DEPDC1B: variants seen among roughly 807,000 people sequenced by gnomAD.
The protein encoded by DEPDC1B is DEP domain-containing protein 1B.
Under a neutral mutation model 66.5 loss-of-function variants are expected in DEPDC1B, and 51 were observed. The observed-to-expected ratio is 0.77, with a 90% CI of 0.61 to 0.97. The LOEUF (loss-of-function observed/expected upper bound fraction) is 0.97, where lower values mean the gene tolerates loss of function less well. DEPDC1B is among the 50% of genes least tolerant of loss of function. The pLI is 0.00. For synonymous variants in DEPDC1B, 226 were observed against 223.6 expected, an observed-to-expected ratio of 1.01 and a Z score of -0.10; for missense variants, 552 against 637.1, an observed-to-expected ratio of 0.87 and a Z score of 1.44.
rs201353235 is a variant in DEPDC1B, at chr5:60,681,463, C to T, written c.314+5499G>A. Among the ~76,000 whole-genome samples the T allele has an allele frequency of 3.5e-3, 528 of 152,264 alleles. 15 individuals carry two copies. Among genetic ancestry groups the T allele is most frequent in the East Asian group, 7.9e-3 (41 of 5,180 alleles). On this transcript the variant is annotated intron_variant, in intron 2 of 10. Transcript: ENST00000265036. ...CATACCCAAAATCAAAGGGAAGGCA[C>T]TCTAACCAGCCAACACTATAGATAG...
rs1023802890 is a variant in DEPDC1B, at chr5:60,687,192, C to A, written c.84G>T (p.Met28Ile). 6.2e-7 allele frequency: 1 copy of A among 1,612,896 alleles called. No individual in the cohort carries two copies. Among genetic ancestry groups the A allele is most frequent in the Non-Finnish European group, 8.5e-7 (1 of 1,178,912 alleles). ...AACGACAGCGATGTTTCCGTAACGG[C>A]ATCTTAGCACGAAAAAGCTCCACGG... ...NETVELFRAKMPLRKHRCRFK... is the reference protein window; with the variant it reads ...NETVELFRAKIPLRKHRCRFK... Residue 28 changes from methionine (M) to isoleucine (I), a missense_variant, in exon 2 of 11, where the codon ATG (methionine) becomes ATT (isoleucine). Coordinates refer to ENST00000265036, the MANE Select transcript of DEPDC1B (RefSeq NM_018369.3).
At chr5:60,638,225 G>A (rs1753104988) in intron 7 of DEPDC1B, among the ~76,000 whole-genome samples, 1 of 152,076 alleles carries the variant, frequency 6.6e-6, no homozygotes, top group South Asian at 2.1e-4. Flanking sequence ...TCCTTTCAGT[G>A]TAAATTCTAA....
chr5:60,599,317 G>T (rs1198655210), intron 9 of DEPDC1B, 57 bp from the exon 10 acceptor site: 2 of 1,375,752 alleles, frequency 1.5e-6, no homozygotes, highest in Admixed American at 2.5e-5. Context: ...TAAATTATAA[G>T]AATTAGTTTA....
intron 7 of DEPDC1B, among the ~76,000 whole-genome samples, chr5:60,635,519 T>C (rs1584050320): frequency 6.6e-6 from 1 of 152,386 alleles, no homozygotes; most frequent in East Asian, 1.9e-4. Context: ...ATTATCTCAG[T>C]ATTCCAGCCT....
intron 7 of DEPDC1B, among the ~76,000 whole-genome samples, chr5:60,636,134 G>C (rs1259801106): frequency 1.3e-5 from 2 of 152,176 alleles, no homozygotes; most frequent in Non-Finnish European, 2.9e-5. Context: ...CCACATTCAA[G>C]AGTCAGCTGA....
At chr5:60,694,120 A>G (rs1179059579) in intron 1 of DEPDC1B, among the ~76,000 whole-genome samples, 1 of 152,154 alleles carries the variant, frequency 6.6e-6, no homozygotes, top group South Asian at 2.1e-4. Flanking sequence ...AGTATACACA[A>G]AAGAGTTTGC....
At chr5:60,637,537 T>C (rs1258699778) in intron 7 of DEPDC1B, among the ~76,000 whole-genome samples, 2 of 152,192 alleles carry the variant, frequency 1.3e-5, no homozygotes, top group Admixed American at 6.5e-5. Flanking sequence ...TATTTCTCTA[T>C]AGCAATGCAA....
Position 60,668,235 on chromosome 5 carries a change from A to C in DEPDC1B, c.314+18727T>G, listed in dbSNP as rs1281389593. On this transcript the variant is annotated intron_variant, in intron 2 of 10. Transcript: ENST00000265036. ...TATATATATATAAAATGGATATTTT[A>C]TATATATATATAAAATGGATATTAT... Among the ~76,000 whole-genome samples the C allele has an allele frequency of 3.4e-4, 36 of 105,526 alleles. 7 individuals are homozygous for C. Among genetic ancestry groups the C allele is most frequent in the African/African-American group, 1.4e-3 (35 of 25,630 alleles). 69.2% of individuals were successfully genotyped at this position (105,526 alleles called of 152,430 possible).
intron 2 of DEPDC1B, among the ~76,000 whole-genome samples, chr5:60,678,227 C>T (rs1003216451): frequency 6.6e-6 from 1 of 152,108 alleles, no homozygotes; most frequent in East Asian, 1.9e-4. Flanking sequence ...CCATTACTCC[C>T]GAAAACGCTC....
chr5:60,662,695 G>A (rs1753748421), intron 2 of DEPDC1B, among the ~76,000 whole-genome samples: 1 of 152,148 alleles, frequency 6.6e-6, no homozygotes, highest in South Asian at 2.1e-4. Flanking sequence ...TGCCCGTGAT[G>A]TCAAGGGAAT....
Position 60,637,675 on chromosome 5 carries a change from C to T in DEPDC1B, c.898+1075G>A, listed in dbSNP as rs73759366. On this transcript the variant is annotated intron_variant, in intron 7 of 10. Coordinates refer to ENST00000265036, the MANE Select transcript of DEPDC1B (RefSeq NM_018369.3). ...GGCCCCCAATTCTCCTCAGTTGGAG[C>T]CAAAATACCAAGAAGGTCCAGTAGT... Among the ~76,000 whole-genome samples the T allele has an allele frequency of 2.2e-3, 333 of 152,272 alleles. 2 individuals carry two copies. Among genetic ancestry groups the T allele is most frequent in the African/African-American group, 7.7e-3 (320 of 41,546 alleles).
chr5:60,605,601 G>T (rs544913208), intron 8 of DEPDC1B, 89 bp downstream of exon 8: 2 of 1,431,066 alleles, frequency 1.4e-6, no homozygotes, highest in East Asian at 2.3e-5. Context: ...AGTCTGCTTT[G>T]TACTTCCCTC....
chr5:60,689,862 G>A (rs1272345130), intron 1 of DEPDC1B, among the ~76,000 whole-genome samples: 1 of 152,056 alleles, frequency 6.6e-6, no homozygotes, highest in Non-Finnish European at 1.5e-5. Flanking sequence ...GGCATCATGG[G>A]GAAACCCCAT....
intron 1 of DEPDC1B, among the ~76,000 whole-genome samples, chr5:60,693,299 A>G (rs988718330): frequency 6.6e-6 from 1 of 152,122 alleles, no homozygotes; most frequent in Non-Finnish European, 1.5e-5. Flanking sequence ...GAGGTTGGAG[A>G]AGAAACCAAG....
chr5:60,614,335 T>G (rs1227665460), intron 7 of DEPDC1B, among the ~76,000 whole-genome samples: 1 of 152,210 alleles, frequency 6.6e-6, no homozygotes, highest in Non-Finnish European at 1.5e-5. Context: ...CTTTCTAGTT[T>G]CTGTCTTCCT....
At position 60,603,414 on chromosome 5, in the gene DEPDC1B, C is replaced by G; in HGVS notation, c.1219G>C (p.Val407Leu). 6.9e-6 allele frequency: 11 copies of G among 1,591,074 alleles called. No individual in the cohort carries two copies. Among genetic ancestry groups the G allele is most frequent in the Non-Finnish European group, 9.4e-6 (11 of 1,173,144 alleles). Residue 407 changes from valine to leucine, a missense_variant, in exon 9 of 11, where the codon GTG (valine) becomes CTG (leucine). Coordinates refer to ENST00000265036, the MANE Select transcript of DEPDC1B (RefSeq NM_018369.3). Reference sequence around the variant, plus strand: ...ACCTGGACTCTTCGTAGATGAGCCACACGCTCCTCTATAGAGGTCTGCAAG... The same window carrying G: ...ACCTGGACTCTTCGTAGATGAGCCAGACGCTCCTCTATAGAGGTCTGCAAG... ...LALQTSIEERVAHLRRVQIKY... is the reference protein window; with the variant it reads ...LALQTSIEERLAHLRRVQIKY...
At chr5:60,617,592 C>T (rs181965038) in intron 7 of DEPDC1B, among the ~76,000 whole-genome samples, 1 of 152,300 alleles carries the variant, frequency 6.6e-6, no homozygotes, top group East Asian at 1.9e-4. Flanking sequence ...AGCTAACTAT[C>T]CTAAATATAT....
Position 60,605,686 on chromosome 5 carries a change from C to G in DEPDC1B, c.1065+4G>C. The stretch of plus-strand genomic sequence containing the variant: ...GTCATACCTGATGTTAAAAATCAAC[C>G]TACCAGTGTTCGGGTACCAAAGCCA... On this transcript the variant is annotated splice_donor_region_variant and intron_variant, in intron 8 of 10. Coordinates refer to ENST00000265036, the MANE Select transcript of DEPDC1B (RefSeq NM_018369.3). 6.2e-7 allele frequency: 1 copy of G among 1,609,388 alleles called. No individual in the cohort carries two copies. Among genetic ancestry groups the G allele is most frequent in the Non-Finnish European group, 8.5e-7 (1 of 1,177,998 alleles).
At chr5:60,620,899 A>C (rs1433516647) in intron 7 of DEPDC1B, among the ~76,000 whole-genome samples, 3 of 152,264 alleles carry the variant, frequency 2.0e-5, no homozygotes, top group Non-Finnish European at 4.4e-5. Flanking sequence ...CCAAATGTCC[A>C]TCAGTGATAG....
Sources: allele counts gnomAD v4.1 joint callset (sites outside exome capture counted in the v4.1 genomes callset), GRCh38; gene constraint gnomAD v4.1.1; transcripts MANE v1.5; gene names NCBI Gene and HGNC (gene_info 2026-07-23, HGNC 2026-07-21).